Variants in RHD observed in about 807,000 individuals in gnomAD.
RHD encodes the protein blood group Rh(D) polypeptide.
In RHD, 16 loss-of-function variants were observed where a neutral mutation model predicts 45.5. That is an observed-to-expected ratio of 0.35 (90% CI 0.24 to 0.53). The LOEUF is 0.53. RHD is among the 20% of genes least tolerant of loss of function. The probability of loss-of-function intolerance (pLI) is 0.92; values close to 1 mark genes in which losing one functional copy is unlikely to be tolerated. For synonymous variants in RHD, 131 were observed against 217.5 expected, an observed-to-expected ratio of 0.60 and a Z score of 3.50; for missense variants, 306 against 532.0, an observed-to-expected ratio of 0.58 and a Z score of 4.18.
At chr1:25,316,558 G>C (rs1304628877) in intron 7 of RHD, among the ~76,000 whole-genome samples, 2 of 97,514 alleles carry the variant, frequency 2.1e-5, no homozygotes, top group African/African-American at 6.5e-5. Flanking sequence ...GTTGCAGTGA[G>C]CCGACCACTG....
chr1:25,308,326 C>T (rs28496093), intron 7 of RHD, among the ~76,000 whole-genome samples: 98,959 of 106,660 alleles, frequency 0.93, 47,154 homozygotes, highest in Non-Finnish European at 1. Flanking sequence ...GTTAGAAATG[C>T]AAGCCCTACC....
At chr1:25,293,380 T>A (rs1258581580) in intron 3 of RHD, among the ~76,000 whole-genome samples, 7 of 130,494 alleles carry the variant, frequency 5.4e-5, no homozygotes, top group African/African-American at 1.6e-4. Flanking sequence ...ACATTTTATT[T>A]AAAAAAATTA....
chr1:25,284,234 C>T (rs1245186610), intron 1 of RHD, among the ~76,000 whole-genome samples: 4 of 136,022 alleles, frequency 2.9e-5, no homozygotes, highest in Non-Finnish European at 5.3e-5. Flanking sequence ...TGTCCATGTG[C>T]GTCAAGCACG....
chr1:25,321,415 C>A lies in RHD; in HGVS notation c.1154-474C>A, dbSNP rs1417054006. Among the ~76,000 whole-genome samples the A allele has an allele frequency of 4.2e-5, 5 of 119,646 alleles. 1 individual carries two copies. In the Admixed American group the frequency reaches 4.2e-4, roughly 10 times the overall value. 78.5% of individuals were successfully genotyped at this position (119,646 alleles called of 152,430 possible). On this transcript the variant is annotated intron_variant, in intron 8 of 9. Coordinates refer to ENST00000328664, the MANE Select transcript of RHD (RefSeq NM_016124.6). ...GTGGCTCATGCCTGTAATACTAGCA[C>A]TTTGGAAGGCTGAGGTGGGTGGATC...
At position 25,315,882 on chromosome 1, in the gene RHD, C is replaced by T. The variant is rs1385885311; in HGVS notation, c.1074-1118C>T. On this transcript the variant is annotated intron_variant, in intron 7 of 9. Transcript: ENST00000328664. ...TATGAGGTAGGGACTGTCATTATTT[C>T]TCCCACTTTATAATGAACAATCAGT... Among the ~76,000 whole-genome samples, 2 of 131,562 alleles carry T rather than the reference C, an allele frequency of 1.5e-5. 1 individual carries two copies. Among genetic ancestry groups the T allele is most frequent in the African/African-American group, 5.2e-5 (2 of 38,160 alleles). 86.3% of individuals were successfully genotyped at this position (131,562 alleles called of 152,430 possible).
intron 2 of RHD, among the ~76,000 whole-genome samples, chr1:25,286,682 A>G (rs1481920111): frequency 7.5e-6 from 1 of 133,856 alleles, no homozygotes; most frequent in Non-Finnish European, 1.8e-5. Flanking sequence ...GCCACTCGGG[A>G]GGCTGAGGCA....
At chr1:25,301,804 G>A in intron 5 of RHD, 118 bp downstream of exon 5, 3 of 801,612 alleles carry the variant, frequency 3.7e-6, no homozygotes, top group Non-Finnish European at 6.3e-6. Context: ...GGGTGGTGGA[G>A]CTGTGCCTGC....
At chr1:25,282,832 T>A (rs1641616122) in intron 1 of RHD, among the ~76,000 whole-genome samples, 1 of 128,080 alleles carries the variant, frequency 7.8e-6, no homozygotes, top group Non-Finnish European at 1.8e-5. Context: ...GAGGTGGAGG[T>A]TGCAGCGAGC....
At position 25,300,921 on chromosome 1, in the gene RHD, C is replaced by G. The variant is rs745705904; in HGVS notation, c.487-25C>G. ...CCCGGGCAGAGGATGCCGACACTCA[C>G]TGCTCTTACTGGGTTTTATTGCAGA... On this transcript the variant is annotated intron_variant, in intron 3 of 9. Coordinates refer to ENST00000328664, the MANE Select transcript of RHD (RefSeq NM_016124.6). The G allele has an allele frequency of 5.1e-6, 7 of 1,372,854 alleles. 2 individuals carry two copies. In the South Asian group the frequency reaches 5.9e-5, roughly 12 times the overall value. 85.0% of individuals were successfully genotyped at this position (1,372,854 alleles called of 1,614,324 possible).
chr1:25,276,524 C>A (rs1402290234), intron 1 of RHD, among the ~76,000 whole-genome samples: 3 of 56,946 alleles, frequency 5.3e-5, no homozygotes, highest in African/African-American at 2.2e-4. Context: ...GAGACCCCCC[C>A]CCATCTCTAA....
Position 25,283,436 on chromosome 1 carries a change from C to G in RHD, c.149-1137C>G, listed in dbSNP as rs1331128518. On this transcript the variant is annotated intron_variant, in intron 1 of 9. Transcript: ENST00000328664. ...ATCCCAGCTACTTGGGAGGCTGAGG[C>G]AGGAGAATCACTTGAACCCAGGAGG... Among the ~76,000 whole-genome samples, 5 of 130,820 alleles carry G rather than the reference C, an allele frequency of 3.8e-5. 2 individuals carry two copies. The highest frequency in any genetic ancestry group is 9.0e-5 in the Non-Finnish European group (5 of 55,404). The allele number at this position is 130,820 out of a possible 152,430, so 85.8% of individuals were successfully genotyped here.
chr1:25,322,291 C>G (rs116147445), intron 9 of RHD, among the ~76,000 whole-genome samples: 2,969 of 132,398 alleles, frequency 0.022, 493 homozygotes, highest in African/African-American at 0.07. Context: ...TGACAGAACC[C>G]CACAATGCAA....
intron 1 of RHD, among the ~76,000 whole-genome samples, chr1:25,273,684 A>C (rs1234161336): frequency 1.7e-5 from 2 of 120,116 alleles, no homozygotes; most frequent in African/African-American, 5.6e-5. Context: ...AGATGTCCAC[A>C]ATGGTGTGAC....
In RHD at chr1:25,303,852, G is replaced by A. The variant is rs1294486824; in HGVS notation, c.939+393G>A. ...CTCCTCTTTCACCCCACATTGTGGGGTGTAGTCTTTTGCTTCAAGAAAGCA... is the reference window on the plus strand; with the variant it reads ...CTCCTCTTTCACCCCACATTGTGGGATGTAGTCTTTTGCTTCAAGAAAGCA... On this transcript the variant is annotated intron_variant, in intron 6 of 9. Coordinates refer to ENST00000328664, the MANE Select transcript of RHD (RefSeq NM_016124.6). Among the ~76,000 whole-genome samples, 6 of 127,140 alleles carry A rather than the reference G, an allele frequency of 4.7e-5. 2 individuals carry two copies. The highest frequency in any genetic ancestry group is 7.4e-5 in the Non-Finnish European group (4 of 54,158). The allele number at this position is 127,140 out of a possible 152,430, so 83.4% of individuals were successfully genotyped here.
rs774139323 is a variant in RHD, at chr1:25,297,975, G to A, written c.487-2971G>A. 3.3e-4 allele frequency among the ~76,000 whole-genome samples: 43 copies of A among 130,706 alleles called. 13 individuals are homozygous for A. Among genetic ancestry groups the A allele is most frequent in the Non-Finnish European group, 4.5e-4 (25 of 55,402 alleles). 85.7% of individuals were successfully genotyped at this position (130,706 alleles called of 152,430 possible). ...CCATCTTTTGGCTCTTATTCTCTCC[G>A]TACATCTAACATCTCTGTACACCAG... On this transcript the variant is annotated intron_variant, in intron 3 of 9. Transcript: ENST00000328664.
chr1:25,310,163 T>G (rs1644064446), intron 7 of RHD, among the ~76,000 whole-genome samples: 1 of 132,712 alleles, frequency 7.5e-6, no homozygotes, highest in South Asian at 2.3e-4. Flanking sequence ...GTTTTGTCTG[T>G]TTTTGTACAT....
rs1349656240 is a variant in RHD at position 25,306,260 on chromosome 1, C to T, written c.940-336C>T. Among the ~76,000 whole-genome samples the T allele has an allele frequency of 2.3e-5, 3 of 131,504 alleles. No individual in the cohort carries two copies. In the East Asian group the frequency reaches 5.9e-4, roughly 26 times the overall value. The allele number at this position is 131,504 out of a possible 152,430, so 86.3% of individuals were successfully genotyped here. A position where few individuals can be genotyped will look rare whatever the true frequency, so the allele number is the denominator to read the frequency against. On this transcript the variant is annotated intron_variant, in intron 6 of 9. Transcript: ENST00000328664. ...ACATCCTACAGTACACAGGGCAGCC[C>T]CCACCACAAGGAATTATCAGCTGAA...
intron 1 of RHD, among the ~76,000 whole-genome samples, chr1:25,275,021 A>G (rs144839008): frequency 3.9e-5 from 5 of 128,638 alleles, no homozygotes; most frequent in South Asian, 2.4e-4. Flanking sequence ...GGGTGTGGTG[A>G]CTCATGCCTG....
chr1:25,302,301 C>G (rs1557542580), intron 5 of RHD, among the ~76,000 whole-genome samples: 1 of 128,858 alleles, frequency 7.8e-6, no homozygotes, highest in Non-Finnish European at 1.8e-5. Flanking sequence ...GGAGACAAAA[C>G]AAGTTCTCAT....
Sources: allele counts gnomAD v4.1 joint callset (sites outside exome capture counted in the v4.1 genomes callset), GRCh38; gene constraint gnomAD v4.1.1; transcripts MANE v1.5; gene names NCBI Gene and HGNC (gene_info 2026-07-23, HGNC 2026-07-21).